The following PLCL1 variants were observed in gnomAD, a reference collection of about 807,000 sequenced individuals.
The protein encoded by PLCL1 is phospholipase C like 1 (inactive), also known as inactive phospholipase C-like protein 1.
In PLCL1, 41 loss-of-function variants were observed where a neutral mutation model predicts 84.4. That is an observed-to-expected ratio of 0.49 (90% confidence interval 0.38 to 0.63). The LOEUF (loss-of-function observed/expected upper bound fraction) is 0.63, where lower values mean the gene tolerates loss of function less well. Among genes scored for constraint, PLCL1 ranks in the 30% least tolerant of loss-of-function variants. The probability of loss-of-function intolerance (pLI) is 0.00; values close to 1 mark genes in which losing one functional copy is unlikely to be tolerated. For synonymous variants in PLCL1, 490 were observed against 488.3 expected, an observed-to-expected ratio of 1.00 and a Z score of -0.05; for missense variants, 1,206 against 1,367.8, an observed-to-expected ratio of 0.88 and a Z score of 1.87.
intron 1 of PLCL1, among the ~76,000 whole-genome samples, chr2:198,007,965 C>T (rs1177834001): frequency 6.6e-6 from 1 of 151,980 alleles, no homozygotes; most frequent in African/African-American, 2.4e-5. Flanking sequence ...TCTAAGCCTC[C>T]CAGCAGCCAA....
intron 1 of PLCL1, among the ~76,000 whole-genome samples, chr2:197,943,136 T>G (rs1162468613): frequency 6.8e-6 from 1 of 147,550 alleles, no homozygotes; most frequent in Non-Finnish European, 1.5e-5. Context: ...AGGTGGAGGT[T>G]GCAGTGAGCC....
At chr2:198,013,094 A>G (rs929578809) in intron 1 of PLCL1, among the ~76,000 whole-genome samples, 2 of 152,266 alleles carry the variant, frequency 1.3e-5, no homozygotes, top group African/African-American at 4.8e-5. Flanking sequence ...TTAAAAATCT[A>G]TACCAGATTT....
Position 198,089,013 on chromosome 2 carries a change from G to A in PLCL1, c.2871G>A (p.Leu957=). 1 of 1,613,960 alleles carries A rather than the reference G, an allele frequency of 6.2e-7. No individual in the cohort carries two copies. Among genetic ancestry groups the A allele is most frequent in the Non-Finnish European group, 8.5e-7 (1 of 1,179,850 alleles). Residue 957 remains leucine, a synonymous_variant, in exon 3 of 6, where the codon CTG becomes CTA. Transcript: ENST00000428675. ...ACAGCTTTCCTTACCTGGAGCCTCT[G>A]GGTGCAATTCCAGATGTGCAGAAAA... ...MKDSFPYLEP[L]GAIPDVQKKM...
At chr2:198,082,721 C>T (rs549522201) in intron 1 of PLCL1, among the ~76,000 whole-genome samples, 4 of 152,144 alleles carry the variant, frequency 2.6e-5, no homozygotes, top group East Asian at 1.9e-4. Context: ...ACACAGTGAA[C>T]GGTCCAAGAC....
At chr2:197,870,412 C>T (rs752706907) in intron 1 of PLCL1, among the ~76,000 whole-genome samples, 3 of 151,934 alleles carry the variant, frequency 2.0e-5, no homozygotes, top group Admixed American at 6.6e-5. Flanking sequence ...GTTTTTGTGG[C>T]GTTAAGAGTC....
chr2:197,907,033 T>C (rs1688398487), intron 1 of PLCL1, among the ~76,000 whole-genome samples: 1 of 152,094 alleles, frequency 6.6e-6, no homozygotes, highest in African/African-American at 2.4e-5. Context: ...ACATGGAACA[T>C]GTCTCAAAAT....
intron 1 of PLCL1, among the ~76,000 whole-genome samples, chr2:197,973,225 A>G (rs892967328): frequency 6.6e-6 from 1 of 152,198 alleles, no homozygotes; most frequent in Non-Finnish European, 1.5e-5. Context: ...GTAGAAGGAT[A>G]CAAGTGCACT....
intron 5 of PLCL1, among the ~76,000 whole-genome samples, chr2:198,130,156 T>C (rs530004954): frequency 3.9e-5 from 6 of 152,020 alleles, no homozygotes; most frequent in East Asian, 1.9e-4. Context: ...CACCACACCC[T>C]GCTAATTTTA....
chr2:197,946,298 G>A (rs995867436), intron 1 of PLCL1, among the ~76,000 whole-genome samples: 26 of 152,126 alleles, frequency 1.7e-4, no homozygotes, highest in Non-Finnish European at 1.0e-4. Flanking sequence ...TTGCCTGAGG[G>A]GAGTCTCCAA....
At chr2:197,809,533 A>G (rs1035042667) in intron 1 of PLCL1, among the ~76,000 whole-genome samples, 1 of 152,102 alleles carries the variant, frequency 6.6e-6, no homozygotes, top group Non-Finnish European at 1.5e-5. Context: ...AGGGATTGCA[A>G]CCTCTTCTGT....
intron 1 of PLCL1, among the ~76,000 whole-genome samples, chr2:197,991,629 T>C (rs1690348146): frequency 6.6e-6 from 1 of 152,224 alleles, no homozygotes; most frequent in African/African-American, 2.4e-5. Context: ...CTACTTCCAC[T>C]GGAAGTACAG....
At chr2:197,892,242 G>T (rs2105727153) in intron 1 of PLCL1, among the ~76,000 whole-genome samples, 2 of 152,276 alleles carry the variant, frequency 1.3e-5, no homozygotes, top group Middle Eastern at 6.8e-3. Flanking sequence ...GCAGGTAAGG[G>T]AATAGGTGGA....
chr2:197,870,705 C>T (rs1227761765), intron 1 of PLCL1, among the ~76,000 whole-genome samples: 1 of 152,072 alleles, frequency 6.6e-6, no homozygotes, highest in African/African-American at 2.4e-5. Context: ...ATTCTACTAC[C>T]CATACCTCCA....
In PLCL1 at chr2:198,088,871, C is replaced by G; in HGVS notation, c.2729C>G (p.Ser910Cys). 6.2e-7 allele frequency: 1 copy of G among 1,605,908 alleles called. No homozygotes were observed. The highest frequency in any genetic ancestry group is 1.3e-5 in the African/African-American group (1 of 74,852). ...MRENMQNAIV[S>C]IKELCGLPPI... ...TCTTCCTCACAGAATGCAATCGTGT[C>G]TATTAAGGAACTATGTGGACTCCCT... The change falls in exon 3 of 6, where the codon TCT becomes TGT. Residue 910 changes from serine (S) to cysteine (C), a missense_variant. Physicochemically the swap from Ser to Cys is moderately radical, Grantham distance 112. Coordinates refer to ENST00000428675, the MANE Select transcript of PLCL1 (RefSeq NM_006226.4).
intron 1 of PLCL1, among the ~76,000 whole-genome samples, chr2:197,901,085 T>C (rs1688256509): frequency 6.6e-6 from 1 of 152,202 alleles, no homozygotes; most frequent in Non-Finnish European, 1.5e-5. Context: ...GACTAGCTGA[T>C]AATTTACTCA....
chr2:198,005,132 C>T (rs1174375168), intron 1 of PLCL1, among the ~76,000 whole-genome samples: 12 of 152,212 alleles, frequency 7.9e-5, no homozygotes, highest in South Asian at 2.1e-4. Context: ...CTTCCACCCT[C>T]GCTCCCTCAC....
chr2:197,935,188 G>T lies in PLCL1; in HGVS notation c.240+129849G>T, dbSNP rs188003150. Among the ~76,000 whole-genome samples the T allele has an allele frequency of 4.7e-3, 722 of 152,276 alleles. 5 individuals are homozygous for T. The highest frequency in any genetic ancestry group is 0.017 in the African/African-American group (693 of 41,546). ...GAACACTTATACACTGCTGGGGTGG[G>T]AATGTAAATTAGTTCAGCCACTGTG... is the stretch of plus-strand genomic sequence containing the variant. On this transcript the variant is annotated intron_variant, in intron 1 of 5. Transcript: ENST00000428675.
chr2:197,857,199 A>G (rs1013609250), intron 1 of PLCL1, among the ~76,000 whole-genome samples: 2 of 152,094 alleles, frequency 1.3e-5, no homozygotes, highest in African/African-American at 4.8e-5. Flanking sequence ...TCACTTTGAT[A>G]AGGAGAAAGT....
chr2:197,933,084 G>A (rs1475420605), intron 1 of PLCL1, among the ~76,000 whole-genome samples: 1 of 152,144 alleles, frequency 6.6e-6, no homozygotes, highest in Non-Finnish European at 1.5e-5. Flanking sequence ...TTGACTTAAA[G>A]GTATGAAAAG....
Sources: allele counts gnomAD v4.1 joint callset (sites outside exome capture counted in the v4.1 genomes callset), GRCh38; gene constraint gnomAD v4.1.1; transcripts MANE v1.5; gene names NCBI Gene and HGNC (gene_info 2026-07-23, HGNC 2026-07-21).